ZNF536: variants seen among roughly 807,000 people sequenced by gnomAD.
The protein encoded by ZNF536 is zinc finger protein 536.
In ZNF536, 13 loss-of-function variants were observed where a neutral mutation model predicts 84.5. The ratio of observed to expected loss-of-function variants is 0.15; its 90% CI spans 0.10 to 0.24. The LOEUF (loss-of-function observed/expected upper bound fraction) is 0.24, where lower values mean the gene tolerates loss of function less well. ZNF536 is among the 10% of genes least tolerant of loss of function. ZNF536 has a pLI of 1.00. For synonymous variants in ZNF536, 811 were observed against 742.5 expected, an observed-to-expected ratio of 1.09 and a Z score of -1.50; for missense variants, 1,536 against 1,747.5, an observed-to-expected ratio of 0.88 and a Z score of 2.16.
chr19:30,541,321 T>C (rs1469454967), intron 3 of ZNF536, among the ~76,000 whole-genome samples: 1 of 152,066 alleles, frequency 6.6e-6, no homozygotes, highest in Non-Finnish European at 1.5e-5. Context: ...AAAATGGGTG[T>C]TCTTCTCATT....
chr19:30,523,345 G>T (rs1455590394), intron 2 of ZNF536, among the ~76,000 whole-genome samples: 1 of 152,160 alleles, frequency 6.6e-6, no homozygotes, highest in Non-Finnish European at 1.5e-5. Context: ...ATATACCTTA[G>T]ACTCTACAAT....
chr19:30,432,668 C>T (rs532824616), intron 1 of ZNF536, among the ~76,000 whole-genome samples: 13 of 152,154 alleles, frequency 8.5e-5, no homozygotes, highest in Admixed American at 6.5e-5. Context: ...TTTGACCTTC[C>T]GATGTTTGGT....
intron 1 of ZNF536, among the ~76,000 whole-genome samples, chr19:30,402,794 A>ATATATATATATAT (rs1555744970): frequency 1.0e-4 from 8 of 76,738 alleles, no homozygotes; most frequent in Non-Finnish European, 2.1e-4. Flanking sequence ...TTAAAATTAA[A>ATATATATATATAT]AAATATATAT....
chr19:30,554,335 G>A (rs1203632489), intron 4 of ZNF536: 3 of 146,686 alleles, frequency 2.0e-5, no homozygotes, highest in Non-Finnish European at 4.5e-5. Flanking sequence ...TCGGCTCACG[G>A]CAACTTCCGT....
At chr19:30,662,972 T>C (rs2050180293) in intron 1 of ZNF536, among the ~76,000 whole-genome samples, 2 of 148,618 alleles carry the variant, frequency 1.3e-5, no homozygotes, top group Admixed American at 1.3e-4. Context: ...CTTTTTTTTT[T>C]TTTTTTTTTT....
chr19:30,475,905 C>T (rs751890135), intron 2 of ZNF536, among the ~76,000 whole-genome samples: 13 of 152,162 alleles, frequency 8.5e-5, no homozygotes, highest in Non-Finnish European at 1.3e-4. Flanking sequence ...CTTAAGGTTA[C>T]CTGCTTTCTC....
chr19:30,456,839 C>T (rs551228296), intron 2 of ZNF536, among the ~76,000 whole-genome samples: 4 of 151,394 alleles, frequency 2.6e-5, no homozygotes, highest in South Asian at 4.2e-4. Context: ...GTCAGGAGTT[C>T]GAGACCAGCC....
intron 1 of ZNF536, among the ~76,000 whole-genome samples, chr19:30,646,743 C>T (rs1483742808): frequency 6.6e-6 from 1 of 152,168 alleles, no homozygotes; most frequent in East Asian, 1.9e-4. Context: ...TCAATAAATC[C>T]TTTCCAATGT....
chr19:30,238,767 T>C (rs184981023), intron 1 of ZNF536, among the ~76,000 whole-genome samples: 54 of 151,972 alleles, frequency 3.6e-4, no homozygotes, highest in Admixed American at 3.4e-3. Context: ...AACCATTGCA[T>C]CAACACAATA....
At chr19:30,419,881 C>G (rs1165479624) in intron 1 of ZNF536, among the ~76,000 whole-genome samples, 3 of 152,146 alleles carry the variant, frequency 2.0e-5, no homozygotes, top group Non-Finnish European at 4.4e-5. Flanking sequence ...ATCAGCAACC[C>G]GGGAAGCTCA....
intron 1 of ZNF536, among the ~76,000 whole-genome samples, chr19:30,675,074 C>G (rs2050702862): frequency 6.6e-6 from 1 of 152,164 alleles, no homozygotes. Context: ...CTCAGTTTCT[C>G]TCTCTGGCCT....
chr19:30,676,881 T>C (rs2050771347), intron 1 of ZNF536, among the ~76,000 whole-genome samples: 1 of 152,216 alleles, frequency 6.6e-6, no homozygotes, highest in Non-Finnish European at 1.5e-5. Context: ...ATTTTATTTA[T>C]TTTTTATGGA....
At chr19:30,431,608 T>C (rs1009065998) in intron 1 of ZNF536, among the ~76,000 whole-genome samples, 5 of 152,246 alleles carry the variant, frequency 3.3e-5, no homozygotes, top group African/African-American at 1.2e-4. Flanking sequence ...GAATCAAATC[T>C]GAGGCCTCTG....
At chr19:30,532,477 A>C (rs2044877854) in intron 2 of ZNF536, among the ~76,000 whole-genome samples, 1 of 152,190 alleles carries the variant, frequency 6.6e-6, no homozygotes, top group African/African-American at 2.4e-5. Context: ...TTCATCCTGA[A>C]GCCAACATCC....
chr19:30,577,155 G>A (rs780129538), intron 1 of ZNF536, among the ~76,000 whole-genome samples: 4 of 151,930 alleles, frequency 2.6e-5, no homozygotes, highest in Admixed American at 6.5e-5. Flanking sequence ...TTAATACCCC[G>A]GCTCTTTAAT....
intron 2 of ZNF536, among the ~76,000 whole-genome samples, chr19:30,324,411 C>A (rs1723869789): frequency 1.3e-5 from 2 of 152,190 alleles, no homozygotes; most frequent in African/African-American, 4.8e-5. Flanking sequence ...CAGGTAGGAT[C>A]TCGCTCTGTT....
At chr19:30,638,247 ACTTTTAAGGT>A (rs2049143867) in intron 1 of ZNF536, among the ~76,000 whole-genome samples, 1 of 152,204 alleles carries the variant, frequency 6.6e-6, no homozygotes, top group Non-Finnish European at 1.5e-5. Flanking sequence ...AGTCGTAAGG[ACTTTTAAGGT>A]CTTAACATCT....
chr19:30,516,818 TGCGAGGCTTCGTG>T (rs1304227550), intron 2 of ZNF536, among the ~76,000 whole-genome samples: 1 of 151,986 alleles, frequency 6.6e-6, no homozygotes, highest in Non-Finnish European at 1.5e-5. Context: ...GCAGTGGAAG[TGCGAGGCTTCGTG>T]GCGAGGCTTC....
intron 1 of ZNF536, among the ~76,000 whole-genome samples, chr19:30,251,269 A>G (rs1469912853): frequency 6.6e-6 from 1 of 152,048 alleles, no homozygotes; most frequent in African/African-American, 2.4e-5. Context: ...TATTTGGGCC[A>G]CCCATCTAGT....
Sources: gnomAD v4.1 joint callset for allele counts (sites outside exome capture counted in the v4.1 genomes callset) on GRCh38, gnomAD v4.1.1 for gene constraint, MANE v1.5 for transcripts, NCBI Gene and HGNC (gene_info 2026-07-23, HGNC 2026-07-21) for gene names.